Variants in FAT2 observed in about 807,000 individuals in gnomAD.
FAT2 encodes FAT atypical cadherin 2.
A neutral mutation model predicts 295.3 loss-of-function variants in FAT2; 150 were observed. The ratio of observed to expected loss-of-function variants is 0.51; its 90% CI spans 0.44 to 0.58. The LOEUF (loss-of-function observed/expected upper bound fraction) is 0.58. Among genes scored for constraint, FAT2 ranks in the 20% least tolerant of loss-of-function variants. The pLI is 0.00. For missense variants in FAT2, 4,868 were observed against 5,442.7 expected (o/e 0.89, Z 3.32); for synonymous variants, 2,026 against 2,150.3 (o/e 0.94, Z 1.60).
chr5:151,545,860 G>C lies in FAT2; in HGVS notation c.5267C>G (p.Pro1756Arg). The change falls in exon 10 of 24, where the codon CCT becomes CGT. Residue 1756 changes from proline (P) to arginine (R), a missense_variant. By Grantham distance (103) the Pro-to-Arg change is moderately radical. Around this residue, in one of 5 missense-constraint regions of FAT2, gnomAD observed 3,297 missense variants for 3,669.4 expected, o/e 0.90. Transcript: ENST00000261800. ...CACAAAAGTTGACTTTAAGAACATAGGAGCATTGTCATTTTCATCAATTAT... is the reference window on the plus strand; with the variant it reads ...CACAAAAGTTGACTTTAAGAACATACGAGCATTGTCATTTTCATCAATTAT... ...VDIIDENDNA[P>R]MFLKSTFVGQ... 1 of 1,614,204 alleles carries C rather than the reference G, an allele frequency of 6.2e-7. No homozygotes were observed. The highest frequency in any genetic ancestry group is 8.5e-7 in the Non-Finnish European group (1 of 1,180,044).
At chr5:151,571,069 G>A (rs987417108) in intron 1 of FAT2, among the ~76,000 whole-genome samples, 1 of 152,122 alleles carries the variant, frequency 6.6e-6, no homozygotes, top group Non-Finnish European at 1.5e-5. Flanking sequence ...AGGGCAGGAA[G>A]GTGGCAGATT....
intron 11 of FAT2, among the ~76,000 whole-genome samples, chr5:151,538,810 G>T (rs1389631265): frequency 1.3e-5 from 2 of 151,950 alleles, no homozygotes; most frequent in African/African-American, 4.8e-5. Context: ...CTAGGTAGCT[G>T]GGAGTACAGG....
chr5:151,587,759 C>A (rs1187783943), intron 1 of FAT2, among the ~76,000 whole-genome samples: 1 of 152,168 alleles, frequency 6.6e-6, no homozygotes, highest in Non-Finnish European at 1.5e-5. Flanking sequence ...GATAACAGAA[C>A]CGTGTGACTT....
chr5:151,525,949 C>T lies in FAT2; in HGVS notation c.10325G>A (p.Gly3442Asp), dbSNP rs145314855. Residue 3442 changes from glycine (G) to aspartate (D), a missense_variant, in exon 18 of 24, where the codon GGC (glycine) becomes GAC (aspartate). By Grantham distance (94) the Gly-to-Asp change is moderately conservative (BLOSUM62 -1). Around this residue, in one of 5 missense-constraint regions of FAT2, gnomAD observed 1,046 missense variants for 1,210.1 expected, o/e 0.86. Transcript: ENST00000261800. ...STTVQENSPI[G>D]SKVLQLILSD... ...CAGGATCAGCTGCAGGACTTTGCTG[C>T]CAATGGGGGAGTTCTCCTGAGACCG... is the stretch of plus-strand genomic sequence containing the variant. The T allele has an allele frequency of 6.2e-7, 1 of 1,614,130 alleles. No individual in the cohort carries two copies. Among genetic ancestry groups the T allele is most frequent in the South Asian group, 1.1e-5 (1 of 91,070 alleles).
intron 12 of FAT2, among the ~76,000 whole-genome samples, chr5:151,537,321 G>GAA (rs759472487): frequency 4.4e-5 from 1 of 22,534 alleles, no homozygotes; most frequent in Non-Finnish European, 7.5e-5. Flanking sequence ...AAAAGAAAGA[G>GAA]AAAAAAAGAA....
chr5:151,567,350 T>G lies in FAT2; in HGVS notation c.1582A>C (p.Ile528Leu), dbSNP rs763473254. 6.2e-7 allele frequency: 1 copy of G among 1,614,234 alleles called. No individual in the cohort carries two copies. Among genetic ancestry groups the G allele is most frequent in the Non-Finnish European group, 8.5e-7 (1 of 1,180,038 alleles). ...KPMDYELMKRIYTFRVRASDW... is the reference protein window; with the variant it reads ...KPMDYELMKRLYTFRVRASDW... ...GATGCTCTTACCCGGAAGGTATAAA[T>G]TCTTTTCATGAGTTCATAGTCCATG... is the stretch of plus-strand genomic sequence containing the variant. Residue 528 changes from isoleucine (I) to leucine (L), a missense_variant, in exon 2 of 24, where the codon ATT becomes CTT. This residue lies in a region of FAT2 where 3,297 missense variants were observed against 3,669.4 expected (regional missense o/e 0.90). Transcript: ENST00000261800.
At chr5:151,591,950 T>C (rs1312660158), upstream of FAT2, among the ~76,000 whole-genome samples, 1 of 152,222 alleles carries the variant, frequency 6.6e-6, no homozygotes, top group African/African-American at 2.4e-5. Flanking sequence ...TTTTCAGCTG[T>C]GACTTCCCCA....
intron 1 of FAT2, among the ~76,000 whole-genome samples, chr5:151,582,825 A>T (rs1759011924): frequency 6.6e-6 from 1 of 152,186 alleles, no homozygotes; most frequent in Admixed American, 6.5e-5. Flanking sequence ...AGTGGGACTC[A>T]TATTTCCTCT....
At chr5:151,510,264 G>A (rs948746704) in intron 21 of FAT2, 90 bp from the exon 22 acceptor site, 56 of 1,402,546 alleles carry the variant, frequency 4.0e-5, no homozygotes, top group East Asian at 9.2e-5. Context: ...TTGTGCAGCC[G>A]TTCAGTTACC....
Position 151,512,020 on chromosome 5 carries a change from G to T in FAT2, c.11905+145C>A. 1 of 697,482 alleles carries T rather than the reference G, an allele frequency of 1.4e-6. No homozygotes were observed. Among genetic ancestry groups the T allele is most frequent in the Non-Finnish European group, 2.4e-6 (1 of 413,368 alleles). The allele number at this position is 697,482 out of a possible 1,614,324, so 43.2% of individuals were successfully genotyped here. A position where few individuals can be genotyped will look rare whatever the true frequency, so the allele number is the denominator to read the frequency against. On this transcript the variant is annotated intron_variant, in intron 21 of 23. Transcript: ENST00000261800. This position sits in a 1 kb window ranked among gnomAD's most constrained non-coding sequence, Gnocchi z 4.1. ...GGCTTCCCCTAGTCTAGATATTGCA[G>T]ATTCCAACCTGTTACTCACAAGTTA...
chr5:151,571,011 C>T (rs1184700516), intron 1 of FAT2, among the ~76,000 whole-genome samples: 1 of 152,128 alleles, frequency 6.6e-6, no homozygotes, highest in Non-Finnish European at 1.5e-5. Context: ...CTCCCAACTC[C>T]TGAGATTCTG....
chr5:151,580,174 C>T (rs1758891605), intron 1 of FAT2, among the ~76,000 whole-genome samples: 1 of 152,226 alleles, frequency 6.6e-6, no homozygotes, highest in South Asian at 2.1e-4. Flanking sequence ...ATGCTGTTCC[C>T]CCAACCCCAG....
At chr5:151,509,502 T>TGTCA (rs1253006511) in intron 22 of FAT2, 1 of 153,394 alleles carries the variant, frequency 6.5e-6, no homozygotes, top group Non-Finnish European at 1.5e-5. Flanking sequence ...CTCCGCCTTC[T>TGTCA]GTCAGATCAC....
Position 151,543,377 on chromosome 5 carries a change from G to A in FAT2, c.7750C>T (p.Gln2584Ter), listed in dbSNP as rs2127607465. The A allele has an allele frequency of 6.2e-7, 1 of 1,614,144 alleles. No homozygotes were observed. Among genetic ancestry groups the A allele is most frequent in the Non-Finnish European group, 8.5e-7 (1 of 1,180,020 alleles). Residue 2584 changes from glutamine to a stop codon, truncating the protein, a stop_gained, in exon 10 of 24, where the codon CAG (glutamine) becomes TAG (stop). Coordinates refer to ENST00000261800, the MANE Select transcript of FAT2 (RefSeq NM_001447.3). LOFTEE classifies it high-confidence loss of function. Reference sequence around the variant, plus strand: ...ACTGTGTACTCAGATGCTTTGAACTGTGGGGGGTTGTCATTTTCATCTGTG... The same window carrying A: ...ACTGTGTACTCAGATGCTTTGAACTATGGGGGGTTGTCATTTTCATCTGTG... The part of the protein sequence containing the change: ...ILTDENDNPP[Q>*]FKASEYTVSI...
intron 1 of FAT2, among the ~76,000 whole-genome samples, chr5:151,587,306 A>G (rs2127664607): frequency 6.6e-6 from 1 of 152,110 alleles, no homozygotes; most frequent in East Asian, 1.9e-4. Flanking sequence ...TTTGAAAATG[A>G]CATGCTCCTT....
At position 151,525,819 on chromosome 5, in the gene FAT2, A is replaced by C; in HGVS notation, c.10455T>G (p.Thr3485=). The change falls in exon 18 of 24, where the codon ACT becomes ACG. Residue 3485 remains threonine (T), a synonymous_variant. Transcript: ENST00000261800. ...GAGCCCTCCTGCTTAGGCCCTCAGC[A>C]GTCACCAGCCATCCATCCGGGGTCA... is the stretch of plus-strand genomic sequence containing the variant. ...FRVTPDGWLV[T]AEGLSRRAQE... 1 of 1,614,196 alleles carries C rather than the reference A, an allele frequency of 6.2e-7. No individual in the cohort carries two copies. Among genetic ancestry groups the C allele is most frequent in the South Asian group, 1.1e-5 (1 of 91,080 alleles).
Position 151,531,772 on chromosome 5 carries a change from A to C in FAT2, c.9626T>G (p.Val3209Gly). 1 of 1,612,546 alleles carries C rather than the reference A, an allele frequency of 6.2e-7. No individual in the cohort carries two copies. Among genetic ancestry groups the C allele is most frequent in the Non-Finnish European group, 8.5e-7 (1 of 1,179,998 alleles). ...CACGGGCAGGTAGTCTTCTAGGCCC[A>C]CCACCGAGACTGTGACGGTGCCCAG... ...STLGTVTVSVVGLEDYLPVFL... is the reference protein window; with the variant it reads ...STLGTVTVSVGGLEDYLPVFL... The change falls in exon 14 of 24, where the codon GTG (valine) becomes GGG (glycine). Residue 3209 changes from valine to glycine, a missense_variant. This residue lies in a region of FAT2 where 1,046 missense variants were observed against 1,210.1 expected (regional missense o/e 0.86). Coordinates refer to ENST00000261800, the MANE Select transcript of FAT2 (RefSeq NM_001447.3). The surrounding 1 kb of genome is among the most constrained non-coding windows in gnomAD (Gnocchi z 5.7).
intron 10 of FAT2, among the ~76,000 whole-genome samples, chr5:151,541,245 A>T (rs1305995606): frequency 2.6e-5 from 4 of 152,234 alleles, no homozygotes; most frequent in Admixed American, 1.3e-4. Flanking sequence ...TTTCCTTGAC[A>T]CTAATCACTG....
intron 20 of FAT2, among the ~76,000 whole-genome samples, chr5:151,515,252 C>T (rs1013106675): frequency 2.0e-5 from 3 of 152,186 alleles, no homozygotes; most frequent in African/African-American, 4.8e-5. Context: ...CCAGCATCAC[C>T]GGTTACTCAT....
Sources: gnomAD v4.1 joint callset for allele counts (sites outside exome capture counted in the v4.1 genomes callset) on GRCh38, gnomAD v4.1.1 for gene constraint, gnomAD v4.1.1 regional missense constraint, Gnocchi (gnomAD v3.1) non-coding constraint, MANE v1.5 for transcripts, NCBI Gene and HGNC (gene_info 2026-07-23, HGNC 2026-07-21) for gene names.